Variants in ZFP62 observed in about 807,000 individuals in gnomAD.
ZFP62 encodes the protein zinc finger protein 62 homolog.
A neutral mutation model predicts 56.4 loss-of-function variants in ZFP62; 44 were observed. That is an observed-to-expected ratio of 0.78 (90% CI 0.61 to 1.00). The LOEUF is 1.00. Ranked by LOEUF, ZFP62 falls within the 50% of genes least tolerant of loss-of-function variation. The pLI is 0.00. For missense variants in ZFP62, 1,030 were observed against 1,085.7 expected (o/e 0.95, Z 0.72); for synonymous variants, 421 against 388.9 (o/e 1.08, Z -0.97).
At chr5:180,838,498 G>A in the ZFP62 span, among the ~76,000 whole-genome samples, 3 of 152,204 alleles carry the variant, frequency 2.0e-5, no homozygotes, top group South Asian at 2.1e-4. Flanking sequence ...AAACTTGCAC[G>A]GGGTCTGAGC....
chr5:180,842,569 A>T, the ZFP62 span, among the ~76,000 whole-genome samples: 1 of 152,272 alleles, frequency 6.6e-6, no homozygotes, highest in Non-Finnish European at 1.5e-5. Context: ...ACAAAAGAAC[A>T]TGAGGTCTAA....
chr5:180,855,637 C>A (rs1195971818), intron 1 of ZFP62, among the ~76,000 whole-genome samples: 1 of 152,148 alleles, frequency 6.6e-6, no homozygotes, highest in Non-Finnish European at 1.5e-5. Context: ...ACCTTGCCAC[C>A]CACACTTTTG....
chr5:180,837,311 T>C, the ZFP62 span, among the ~76,000 whole-genome samples: 41 of 152,358 alleles, frequency 2.7e-4, 1 homozygote, highest in Admixed American at 2.5e-3. Context: ...GCGTGTGACA[T>C]CATCACTAGC....
At chr5:180,831,374 G>A in the ZFP62 span, 1 of 152,390 alleles carries the variant, frequency 6.6e-6, no homozygotes, top group Non-Finnish European at 1.5e-5. Flanking sequence ...CGGGAGAAGA[G>A]GGGCCGTGGC....
In ZFP62 at chr5:180,848,975, G is replaced by T. The variant is rs778533584; in HGVS notation, c.2520C>A (p.Tyr840Ter). The T allele has an allele frequency of 1.3e-6, 2 of 1,551,762 alleles. No individual in the cohort carries two copies. Among genetic ancestry groups the T allele is most frequent in the Non-Finnish European group, 1.7e-6 (2 of 1,146,970 alleles). Residue 840 changes from tyrosine (Y) to a stop codon, truncating the protein, a stop_gained, in exon 2 of 2, where the codon TAC becomes TAA. Coordinates refer to ENST00000502412, the MANE Select transcript of ZFP62 (RefSeq NM_001172638.2). LOFTEE classifies it high-confidence loss of function. ...HKRIHTGKKP[Y>*]RCNECGKAFN... ...AAGCCTTACCACACTCATTACATCG[G>T]TATGGCTTCTTTCCAGTGTGGATCC...
downstream of ZFP62, chr5:180,845,863 C>T (rs911298892): frequency 4.1e-6 from 4 of 985,352 alleles, no homozygotes; most frequent in African/African-American, 7.0e-5. Context: ...GTTTCACGCC[C>T]AGTGTCTTCA....
chr5:180,846,042 C>T (rs1442304371), downstream of ZFP62, among the ~76,000 whole-genome samples: 2 of 152,106 alleles, frequency 1.3e-5, no homozygotes, highest in African/African-American at 2.4e-5. Context: ...ACTTGCATAT[C>T]GTTCTCTGGA....
chr5:180,835,912 A>G, the ZFP62 span, among the ~76,000 whole-genome samples: 1 of 152,268 alleles, frequency 6.6e-6, no homozygotes. Flanking sequence ...GGAGTCACAT[A>G]CCACATGACA....
chr5:180,845,644 A>C, downstream of ZFP62: 1 of 894,690 alleles, frequency 1.1e-6, no homozygotes, highest in Non-Finnish European at 1.3e-6. Context: ...CTGAAGCTGG[A>C]GAAGAGAAAT....
chr5:180,845,810 C>T (rs1048342751), downstream of ZFP62: 22 of 985,424 alleles, frequency 2.2e-5, no homozygotes, highest in African/African-American at 1.4e-4. Flanking sequence ...CTGAATCCCA[C>T]GGAGGAAAAT....
In ZFP62 at chr5:180,847,929, T is replaced by C. The variant is rs924732194; in HGVS notation, c.*863A>G. ...CCTGAATCACTTCTGTCATGTAAGG[T>C]GCGAATTCATGTTGACGGTGTGTTC... On this transcript the variant is annotated 3_prime_UTR_variant, in exon 2 of 2. Coordinates refer to ENST00000502412, the MANE Select transcript of ZFP62 (RefSeq NM_001172638.2). The C allele has an allele frequency of 6.1e-6, 6 of 985,350 alleles. No homozygotes were observed. In the African/African-American group the frequency reaches 1.0e-4, roughly 17 times the overall value. 61.0% of individuals were successfully genotyped at this position (985,350 alleles called of 1,614,324 possible). A position where few individuals can be genotyped will look rare whatever the true frequency, so the allele number is the denominator to read the frequency against.
At chr5:180,847,290 T>C (rs1773437447), downstream of ZFP62, among the ~76,000 whole-genome samples, 1 of 152,254 alleles carries the variant, frequency 6.6e-6, no homozygotes, top group Non-Finnish European at 1.5e-5. Flanking sequence ...AACAGCTTCA[T>C]ACACAGCAGT....
the ZFP62 span, among the ~76,000 whole-genome samples, chr5:180,833,311 TCCACTAAAATACAAAAAATTAA>T: frequency 4.6e-5 from 7 of 151,682 alleles, no homozygotes; most frequent in African/African-American, 1.7e-4. Context: ...AAACCCCATC[TCCACTAAAATACAAAAAATTAA>T]CCAGGTGTGG....
chr5:180,829,732 G>A, the ZFP62 span, among the ~76,000 whole-genome samples: 1 of 152,164 alleles, frequency 6.6e-6, no homozygotes, highest in East Asian at 1.9e-4. Flanking sequence ...AAGCTCATCA[G>A]TGACGTGACT....
intron 1 of ZFP62, among the ~76,000 whole-genome samples, chr5:180,857,473 T>C (rs193003967): frequency 2.0e-4 from 31 of 152,256 alleles, no homozygotes; most frequent in Middle Eastern, 3.4e-3. Context: ...AATAACGGCA[T>C]TGTGGCTATG....
chr5:180,852,554 C>CAAAAAAAAAA (rs36030316), intron 1 of ZFP62, among the ~76,000 whole-genome samples: 1 of 109,472 alleles, frequency 9.1e-6, no homozygotes, highest in Non-Finnish European at 1.9e-5. Context: ...CTCCGTCTCA[C>CAAAAAAAAAA]AAAAAAAAAA....
chr5:180,855,704 G>A (rs1040743697), intron 1 of ZFP62, among the ~76,000 whole-genome samples: 6 of 152,072 alleles, frequency 3.9e-5, no homozygotes, highest in Non-Finnish European at 7.4e-5. Flanking sequence ...CCCTAGGACC[G>A]CTGATTCTAT....
At position 180,858,531 on chromosome 5, in the gene ZFP62, C is replaced by T. The variant is rs528793078; in HGVS notation, c.1+2688G>A. ...GCTGAGGCACAAGAATCGCTTGAAC[C>T]TGGGAGGCAGAGGTTGCAGTGAGCC... is the stretch of plus-strand genomic sequence containing the variant. On this transcript the variant is annotated intron_variant, in intron 1 of 1. Coordinates refer to ENST00000502412, the MANE Select transcript of ZFP62 (RefSeq NM_001172638.2). Among the ~76,000 whole-genome samples the T allele has an allele frequency of 2.6e-5, 4 of 152,158 alleles. No individual in the cohort carries two copies. In the East Asian group the frequency reaches 7.7e-4, roughly 29 times the overall value.
downstream of ZFP62, among the ~76,000 whole-genome samples, chr5:180,847,376 C>CCT (rs5873716): frequency 0.91 from 138,053 of 152,154 alleles, 62,766 homozygotes; most frequent in East Asian, 1. Context: ...TACCTGCTCC[C>CCT]GAGTTAGGAT....
Sources: allele counts gnomAD v4.1 joint callset (sites outside exome capture counted in the v4.1 genomes callset), GRCh38; gene constraint gnomAD v4.1.1; transcripts MANE v1.5; gene names NCBI Gene and HGNC (gene_info 2026-07-23, HGNC 2026-07-21).